Variants in UBE2N observed in about 807,000 individuals in gnomAD.
UBE2N encodes the protein ubiquitin-conjugating enzyme E2 N.
For synonymous variants in UBE2N, 70 were observed against 69.2 expected (o/e 1.01, Z -0.06); for missense variants, 60 against 192.1 (o/e 0.31, Z 4.07).
intron 1 of UBE2N, among the ~76,000 whole-genome samples, chr12:93,431,934 G>A (rs1294507716): frequency 6.6e-6 from 1 of 152,074 alleles, no homozygotes; most frequent in Non-Finnish European, 1.5e-5. Flanking sequence ...TACTCTTCAA[G>A]TTTAAAAACA....
chr12:93,440,382 A>G (rs910970568), intron 1 of UBE2N, among the ~76,000 whole-genome samples: 1 of 152,192 alleles, frequency 6.6e-6, no homozygotes, highest in Non-Finnish European at 1.5e-5. Flanking sequence ...GACTATGAAG[A>G]TTCACATTAT....
chr12:93,407,653 G>A lies in UBE2N; in HGVS notation c.*2386C>T, dbSNP rs759389384. On this transcript the variant is annotated 3_prime_UTR_variant, in exon 4 of 4. Coordinates refer to ENST00000318066, the MANE Select transcript of UBE2N (RefSeq NM_003348.4). The stretch of plus-strand genomic sequence containing the variant: ...TCTTCAGATCATTCAAAAGTTACCC[G>A]AATTCTGGATTTTCATGCAAATCTC... 2.0e-5 allele frequency: 3 copies of A among 152,148 alleles called. No individual in the cohort carries two copies. The highest frequency in any genetic ancestry group is 6.5e-5 in the Admixed American group (1 of 15,268). 9.4% of individuals were successfully genotyped at this position (152,148 alleles called of 1,614,324 possible).
Position 93,441,892 on chromosome 12 carries a change from G to A in UBE2N, c.-8C>T, listed in dbSNP as rs1290672956. 5.7e-6 allele frequency: 9 copies of A among 1,576,654 alleles called. No individual in the cohort carries two copies. Among genetic ancestry groups the A allele is most frequent in the Non-Finnish European group, 7.7e-6 (9 of 1,164,124 alleles). ...GCGGGGCAGCCCGGCCATCTTGTCA[G>A]AACCCGAGTTCGGCCTCTGGTCTCG... On this transcript the variant is annotated 5_prime_UTR_variant, in exon 1 of 4. Coordinates refer to ENST00000318066, the MANE Select transcript of UBE2N (RefSeq NM_003348.4).
chr12:93,427,508 A>C lies in UBE2N; in HGVS notation c.30+14347T>G, dbSNP rs558767317. Reference sequence around the variant, plus strand: ...TGAAAGAAGCCAGAAAGAAAAGGCCACATATTGTATAATTCCATTTATATG... The same window carrying C: ...TGAAAGAAGCCAGAAAGAAAAGGCCCCATATTGTATAATTCCATTTATATG... On this transcript the variant is annotated intron_variant, in intron 1 of 3. Coordinates refer to ENST00000318066, the MANE Select transcript of UBE2N (RefSeq NM_003348.4). 1.4e-4 allele frequency among the ~76,000 whole-genome samples: 21 copies of C among 152,394 alleles called. No homozygotes were observed. The East Asian group carries it at 3.9e-3, about 28-fold the overall frequency.
intron 1 of UBE2N, among the ~76,000 whole-genome samples, chr12:93,432,001 A>G (rs1878785440): frequency 6.6e-6 from 1 of 152,164 alleles, no homozygotes; most frequent in South Asian, 2.1e-4. Context: ...TGGGAGGCTG[A>G]GGCGGGCGGA....
intron 1 of UBE2N, among the ~76,000 whole-genome samples, 171 bp downstream of exon 1, chr12:93,441,684 C>A (rs1879118609): frequency 6.6e-6 from 1 of 152,040 alleles, no homozygotes. Flanking sequence ...GTCTCCCCGG[C>A]GCCCCCTCCT....
intron 1 of UBE2N, among the ~76,000 whole-genome samples, chr12:93,434,187 G>A (rs1202320500): frequency 1.3e-5 from 2 of 152,234 alleles, no homozygotes; most frequent in Non-Finnish European, 2.9e-5. Context: ...AGCTACTCGG[G>A]AGGCTGAGGC....
chr12:93,415,475 T>G (rs1172513075), intron 1 of UBE2N, among the ~76,000 whole-genome samples: 1 of 152,222 alleles, frequency 6.6e-6, no homozygotes, highest in African/African-American at 2.4e-5. Context: ...TTCTTTAGGT[T>G]CAAACTAAAA....
intron 1 of UBE2N, 55 bp from the exon 2 acceptor site, chr12:93,411,354 A>G: frequency 6.5e-7 from 1 of 1,539,740 alleles, no homozygotes. Flanking sequence ...GCTAGACACC[A>G]AAAGTAAAAT....
chr12:93,427,318 G>C (rs1045843916), intron 1 of UBE2N, among the ~76,000 whole-genome samples: 1 of 152,192 alleles, frequency 6.6e-6, no homozygotes, highest in African/African-American at 2.4e-5. Context: ...AGTTTTATGA[G>C]AGCCAATACA....
chr12:93,440,445 T>A (rs1164988370), intron 1 of UBE2N, among the ~76,000 whole-genome samples: 1 of 152,228 alleles, frequency 6.6e-6, no homozygotes, highest in Non-Finnish European at 1.5e-5. Flanking sequence ...TTCTAAGAAT[T>A]TCTACCATAC....
intron 1 of UBE2N, among the ~76,000 whole-genome samples, chr12:93,432,489 AC>A (rs376614475): frequency 1.5e-4 from 21 of 135,882 alleles, no homozygotes; most frequent in East Asian, 1.9e-4. Flanking sequence ...AAAAAAAAAA[AC>A]AAAACAAAAC....
At chr12:93,429,198 A>G in intron 1 of UBE2N, 1 of 331,926 alleles carries the variant, frequency 3.0e-6, no homozygotes, top group Non-Finnish European at 5.7e-6. Flanking sequence ...TGAACCCAGG[A>G]GGCGGAGGTT....
chr12:93,428,533 T>C (rs1194224284), intron 1 of UBE2N, among the ~76,000 whole-genome samples: 3 of 152,234 alleles, frequency 2.0e-5, no homozygotes, highest in Non-Finnish European at 2.9e-5. Flanking sequence ...GTATTCAATA[T>C]ACAAAGCAGT....
chr12:93,411,296 T>C lies in UBE2N; in HGVS notation c.34A>G (p.Thr12Ala). The C allele has an allele frequency of 6.2e-7, 1 of 1,600,618 alleles. No individual in the cohort carries two copies. Among genetic ancestry groups the C allele is most frequent in the Admixed American group, 1.7e-5 (1 of 57,566 alleles). ...AGLPRRIIKE[T>A]QRLLAEPVPG... is the part of the protein sequence containing the mutation. The stretch of plus-strand genomic sequence containing the variant: ...ACTGGTTCTGCCAGCAAACGCTGGG[T>C]TTCCTATGACAGAAAAACAAACACA... The change falls in exon 2 of 4, where the codon ACC (threonine) becomes GCC (alanine). Residue 12 changes from threonine (T) to alanine (A), a missense_variant. Coordinates refer to ENST00000318066, the MANE Select transcript of UBE2N (RefSeq NM_003348.4).
chr12:93,413,979 T>C (rs1878115524), intron 1 of UBE2N, among the ~76,000 whole-genome samples: 1 of 151,252 alleles, frequency 6.6e-6, no homozygotes, highest in Admixed American at 6.6e-5. Flanking sequence ...CTGATCAACA[T>C]GGAGAAATCC....
chr12:93,435,866 A>G (rs1368738670), intron 1 of UBE2N, among the ~76,000 whole-genome samples: 2 of 152,198 alleles, frequency 1.3e-5, no homozygotes, highest in Non-Finnish European at 2.9e-5. Flanking sequence ...ACTGCACTTC[A>G]GCCTGGGTGA....
intron 1 of UBE2N, among the ~76,000 whole-genome samples, chr12:93,439,167 A>C (rs1879024524): frequency 6.6e-6 from 1 of 152,252 alleles, no homozygotes; most frequent in African/African-American, 2.4e-5. Flanking sequence ...CTGATGTTAT[A>C]TCAACACTAA....
chr12:93,440,685 T>C (rs1299549584), intron 1 of UBE2N, among the ~76,000 whole-genome samples: 1 of 152,234 alleles, frequency 6.6e-6, no homozygotes, highest in Admixed American at 6.5e-5. Context: ...TGAGTCACTT[T>C]AACTGGCGCA....
Sources: gnomAD v4.1 joint callset for allele counts (sites outside exome capture counted in the v4.1 genomes callset) on GRCh38, gnomAD v4.1.1 for gene constraint, MANE v1.5 for transcripts, NCBI Gene and HGNC (gene_info 2026-07-23, HGNC 2026-07-21) for gene names.